BPNT2: variants seen among roughly 807,000 people sequenced by gnomAD.
BPNT2 encodes Golgi-resident adenosine 3',5'-bisphosphate 3'-phosphatase.
A neutral mutation model predicts 29.3 loss-of-function variants in BPNT2; 11 were observed. The ratio of observed to expected loss-of-function variants is 0.38; its 90% CI spans 0.24 to 0.62. The LOEUF (loss-of-function observed/expected upper bound fraction) is 0.62. BPNT2 is among the 20% of genes least tolerant of loss of function. BPNT2 has a pLI of 0.62. For synonymous variants in BPNT2, 195 were observed against 187.7 expected (o/e 1.04, Z -0.32); for missense variants, 459 against 473.4 (o/e 0.97, Z 0.28).
At position 56,988,601 on chromosome 8, in the gene BPNT2, C is replaced by T. The variant is rs564215568; in HGVS notation, c.387+4598G>A. On this transcript the variant is annotated intron_variant, in intron 1 of 4. Transcript: ENST00000262644. ...CTTGGTTCTAGGCCCTGATATTCCC[C>T]TTTCATGTTATATTCTCTCCCTAAC... 1.8e-4 allele frequency among the ~76,000 whole-genome samples: 28 copies of T among 152,298 alleles called. 1 individual carries two copies. In the South Asian group the frequency reaches 5.8e-3, roughly 32 times the overall value.
intron 3 of BPNT2, among the ~76,000 whole-genome samples, chr8:56,977,802 G>C (rs1806168667): frequency 6.6e-6 from 1 of 152,080 alleles, no homozygotes; most frequent in African/African-American, 2.4e-5. Flanking sequence ...CTGGCAAATT[G>C]CCAGAAGCTA....
rs755705861 is a variant in BPNT2, at chr8:56,980,819, T to TATAC, written c.388-623_388-622insGTAT. On this transcript the variant is annotated intron_variant, in intron 1 of 4. Coordinates refer to ENST00000262644, the MANE Select transcript of BPNT2 (RefSeq NM_017813.5). ...CCCCACACCCTTACATACATACATA[T>TATAC]ACACACACACACACACACACACACA... 8.6e-4 allele frequency among the ~76,000 whole-genome samples: 122 copies of TATAC among 141,504 alleles called. No homozygotes were observed. The South Asian group carries it at 0.019, about 22-fold the overall frequency. The allele number at this position is 141,504 out of a possible 152,430, so 92.8% of individuals were successfully genotyped here.
chr8:56,978,034 C>T lies in BPNT2; in HGVS notation c.646+16G>A, dbSNP rs376688032. The T allele has an allele frequency of 4.5e-4, 639 of 1,431,016 alleles. 3 individuals carry two copies. The highest frequency in any genetic ancestry group is 6.8e-4 in the South Asian group (59 of 87,298). The allele number at this position is 1,431,016 out of a possible 1,614,324, so 88.6% of individuals were successfully genotyped here. On this transcript the variant is annotated intron_variant, in intron 3 of 4. Coordinates refer to ENST00000262644, the MANE Select transcript of BPNT2 (RefSeq NM_017813.5). Reference sequence around the variant, plus strand: ...TCAATAACAATAATTCTTGAAAGTTCTAGCAAATTTCATACCTGTATATTC... The same window carrying T: ...TCAATAACAATAATTCTTGAAAGTTTTAGCAAATTTCATACCTGTATATTC...
intron 2 of BPNT2, among the ~76,000 whole-genome samples, chr8:56,978,587 G>A (rs1483565001): frequency 1.3e-5 from 2 of 151,936 alleles, no homozygotes; most frequent in Non-Finnish European, 2.9e-5. Context: ...ACACATGCAT[G>A]TGTATGTTCA....
In BPNT2 at chr8:56,966,352, G is replaced by A; in HGVS notation, c.647C>T (p.Ala216Val). The change falls in exon 4 of 5, where the codon GCT becomes GTT. Residue 216 changes from alanine (A) to valine (V), a missense_variant and splice_region_variant. By Grantham distance (64) the Ala-to-Val change is moderately conservative. Transcript: ENST00000262644. The part of the protein sequence containing the change: ...VIHKPFSEYT[A>V]WAMVDGGSNV... ...TGAACCACCATCTACCATTGCCCAA[G>A]CTGAAAAGCAAATATAATATCCATT... 1 of 1,613,180 alleles carries A rather than the reference G, an allele frequency of 6.2e-7. No individual in the cohort carries two copies. The highest frequency in any genetic ancestry group is 1.1e-5 in the South Asian group (1 of 91,062).
chr8:56,967,274 G>A (rs1313306812), intron 3 of BPNT2: 1 of 456,054 alleles, frequency 2.2e-6, no homozygotes, highest in Non-Finnish European at 4.4e-6. Flanking sequence ...AGTTCCCCAA[G>A]AATGATGGCA....
intron 3 of BPNT2, among the ~76,000 whole-genome samples, chr8:56,974,778 G>C (rs1488559468): frequency 6.6e-6 from 1 of 152,106 alleles, no homozygotes; most frequent in African/African-American, 2.4e-5. Flanking sequence ...TGCTAAGTTA[G>C]GGACATTTGG....
chr8:56,984,975 T>C (rs1261133873), intron 1 of BPNT2, among the ~76,000 whole-genome samples: 1 of 151,832 alleles, frequency 6.6e-6, no homozygotes, highest in East Asian at 2.0e-4. Context: ...CTTCTGCTTG[T>C]ACACGCTTTC....
intron 1 of BPNT2, among the ~76,000 whole-genome samples, chr8:56,983,993 A>G (rs1028741261): frequency 6.6e-6 from 1 of 152,176 alleles, no homozygotes; most frequent in Non-Finnish European, 1.5e-5. Context: ...ACCTCAGATG[A>G]ATGAAGATAA....
In BPNT2 at chr8:56,965,224, C is replaced by T. The variant is rs538144232; in HGVS notation, c.808+967G>A. On this transcript the variant is annotated intron_variant, in intron 4 of 4. Coordinates refer to ENST00000262644, the MANE Select transcript of BPNT2 (RefSeq NM_017813.5). ...GTCCCAGCTACTCGGGAGGCTGAGG[C>T]ACGAAAATCACCTGAGCCCAGGAGG... Among the ~76,000 whole-genome samples, 28 of 152,216 alleles carry T rather than the reference C, an allele frequency of 1.8e-4. No homozygotes were observed. The East Asian group carries it at 5.4e-3, about 29-fold the overall frequency.
intron 1 of BPNT2, among the ~76,000 whole-genome samples, chr8:56,981,489 C>T (rs915727024): frequency 1.3e-5 from 2 of 152,032 alleles, no homozygotes; most frequent in Non-Finnish European, 2.9e-5. Context: ...CACTTGAACC[C>T]TGGAGGTGGA....
In BPNT2 at chr8:56,963,837, G is replaced by A. The variant is rs748533711; in HGVS notation, c.1036C>T (p.Leu346=). 7 of 1,613,992 alleles carry A rather than the reference G, an allele frequency of 4.3e-6. No individual in the cohort carries two copies. The Admixed American group carries it at 5.0e-5, about 12-fold the overall frequency. ...TCTAGATCTGGGAGTTTTCTGACCA[G>A]GGCCTGGTGGTTCATTCTGATGCTA... The part of the protein sequence containing the change: ...LASIRMNHQA[L]VRKLPDLEKT... Residue 346 remains leucine, a synonymous_variant, in exon 5 of 5, where the codon CTG becomes TTG. Coordinates refer to ENST00000262644, the MANE Select transcript of BPNT2 (RefSeq NM_017813.5).
chr8:56,988,768 G>A (rs1806366163), intron 1 of BPNT2, among the ~76,000 whole-genome samples: 1 of 152,102 alleles, frequency 6.6e-6, no homozygotes, highest in African/African-American at 2.4e-5. Flanking sequence ...ACATATCAAA[G>A]GCATCTCTAA....
At chr8:56,986,695 T>C (rs1300978895) in intron 1 of BPNT2, among the ~76,000 whole-genome samples, 8 of 152,202 alleles carry the variant, frequency 5.3e-5, no homozygotes, top group Admixed American at 5.2e-4. Context: ...ACACTAACAT[T>C]AGCCTACAGT....
intron 1 of BPNT2, among the ~76,000 whole-genome samples, chr8:56,990,050 T>A (rs13272145): frequency 0.069 from 10,506 of 152,282 alleles, 567 homozygotes; most frequent in East Asian, 0.27. Context: ...CTGCACAACA[T>A]GTCAATGCAA....
At chr8:56,986,400 C>T (rs1806327188) in intron 1 of BPNT2, among the ~76,000 whole-genome samples, 1 of 152,112 alleles carries the variant, frequency 6.6e-6, no homozygotes, top group Non-Finnish European at 1.5e-5. Context: ...AGAATAGGTA[C>T]AGAATAGTAG....
chr8:56,982,625 T>C (rs1004706662), intron 1 of BPNT2, among the ~76,000 whole-genome samples: 6 of 150,692 alleles, frequency 4.0e-5, no homozygotes, highest in Admixed American at 2.0e-4. Flanking sequence ...ACGAGACACA[T>C]GAAAAAACAT....
intron 1 of BPNT2, among the ~76,000 whole-genome samples, chr8:56,985,519 A>AC (rs1806313907): frequency 6.6e-6 from 1 of 152,198 alleles, no homozygotes; most frequent in East Asian, 1.9e-4. Context: ...GTGGGAATGA[A>AC]CAATGCAGCT....
intron 1 of BPNT2, among the ~76,000 whole-genome samples, chr8:56,985,534 G>C (rs75941799): frequency 1.3e-5 from 2 of 152,270 alleles, no homozygotes; most frequent in African/African-American, 2.4e-5. Context: ...GCAGCTTTTA[G>C]AGAACCTATA....
Sources: allele counts gnomAD v4.1 joint callset (sites outside exome capture counted in the v4.1 genomes callset), GRCh38; gene constraint gnomAD v4.1.1; transcripts MANE v1.5; gene names NCBI Gene and HGNC (gene_info 2026-07-23, HGNC 2026-07-21).